The following SULF1 variants were observed in gnomAD, a reference collection of about 807,000 sequenced individuals.
The protein encoded by SULF1 is extracellular sulfatase Sulf-1.
SULF1 carries 46 observed loss-of-function variants against 110.5 expected under a neutral mutation model. That is an observed-to-expected ratio of 0.42 (90% CI 0.33 to 0.53). SULF1 has a LOEUF of 0.53. Among genes scored for constraint, SULF1 ranks in the 20% least tolerant of loss-of-function variants. The pLI, the probability that SULF1 is intolerant of heterozygous loss-of-function variation, is 0.12. For synonymous variants in SULF1, 371 were observed against 387.1 expected (o/e 0.96, Z 0.49); for missense variants, 941 against 1,094.2 (o/e 0.86, Z 1.98).
At chr8:69,563,811 C>T (rs756685185) in intron 4 of SULF1, 105 bp from the exon 5 acceptor site, 10 of 644,234 alleles carry the variant, frequency 1.6e-5, no homozygotes, top group Non-Finnish European at 2.7e-5. Context: ...TCTCTGCCAG[C>T]TTATGTGCCA....
chr8:69,638,952 A>T (rs1379302084), intron 21 of SULF1, 94 bp downstream of exon 21: 3 of 1,259,834 alleles, frequency 2.4e-6, no homozygotes, highest in Non-Finnish European at 2.2e-6. Context: ...GCACAGAAAC[A>T]TATAATTCAA....
chr8:69,571,393 C>G (rs1010836938), intron 5 of SULF1, among the ~76,000 whole-genome samples: 2 of 152,198 alleles, frequency 1.3e-5, no homozygotes, highest in East Asian at 3.9e-4. Context: ...GAAACACAAA[C>G]CAAAAAAGGA....
chr8:69,534,557 A>G (rs1008115917), intron 3 of SULF1, among the ~76,000 whole-genome samples: 5 of 152,226 alleles, frequency 3.3e-5, no homozygotes, highest in African/African-American at 1.2e-4. Context: ...GAAGGTAGGA[A>G]TATTACATTT....
chr8:69,512,150 G>A (rs1693778141), intron 3 of SULF1, among the ~76,000 whole-genome samples: 1 of 152,188 alleles, frequency 6.6e-6, no homozygotes, highest in Admixed American at 6.5e-5. Context: ...CATATCAAAT[G>A]TTGCCATAGG....
At chr8:69,519,113 G>T (rs560537427) in intron 3 of SULF1, among the ~76,000 whole-genome samples, 1 of 152,072 alleles carries the variant, frequency 6.6e-6, no homozygotes, top group Non-Finnish European at 1.5e-5. Flanking sequence ...CAGTTTTCTG[G>T]CTGTTTATGG....
chr8:69,600,221 T>G (rs1807683510), intron 8 of SULF1, among the ~76,000 whole-genome samples: 1 of 152,196 alleles, frequency 6.6e-6, no homozygotes, highest in Admixed American at 6.5e-5. Context: ...AGCAATAAAA[T>G]TTTTATGAGT....
intron 3 of SULF1, among the ~76,000 whole-genome samples, chr8:69,530,658 T>A (rs966321340): frequency 2.0e-5 from 3 of 152,200 alleles, no homozygotes; most frequent in Non-Finnish European, 4.4e-5. Flanking sequence ...GATGAACTAT[T>A]TGAATGAATT....
intron 8 of SULF1, among the ~76,000 whole-genome samples, chr8:69,596,379 A>G (rs1016746889): frequency 7.2e-5 from 11 of 152,064 alleles, no homozygotes; most frequent in South Asian, 2.1e-4. Context: ...TGTCCTCTCA[A>G]TTTTAAAGCA....
In SULF1 at chr8:69,628,213, A is replaced by G. The variant is rs777539035; in HGVS notation, c.2085A>G (p.Leu695=). ...AAGGTGTAAAAAAGCAAGAGAAATT[A>G]AAGAGCCATCTTCACCCATTCAAGT... is the stretch of plus-strand genomic sequence containing the variant. ...KEKGVKKQEK[L]KSHLHPFKEA... is the part of the protein sequence containing the mutation. The change falls in exon 18 of 23, where the codon TTA becomes TTG. Residue 695 remains leucine, a synonymous_variant. Transcript: ENST00000402687. 6.2e-7 allele frequency: 1 copy of G among 1,614,042 alleles called. No homozygotes were observed.
Position 69,658,994 on chromosome 8 carries a change from A to G in SULF1, c.*459A>G, listed in dbSNP as rs771840451. On this transcript the variant is annotated 3_prime_UTR_variant, in exon 23 of 23. Transcript: ENST00000402687. ...ACCGAAAAATGGACGGGGCATGAAG[A>G]GACTAATCATCTGGAAACCGATTTC... 3 of 457,456 alleles carry G rather than the reference A, an allele frequency of 6.6e-6. No homozygotes were observed. Among genetic ancestry groups the G allele is most frequent in the East Asian group, 6.9e-5 (1 of 14,436 alleles). 28.3% of individuals were successfully genotyped at this position (457,456 alleles called of 1,614,324 possible).
intron 1 of SULF1, among the ~76,000 whole-genome samples, chr8:69,479,258 A>G (rs1809421404): frequency 6.6e-6 from 1 of 152,154 alleles, no homozygotes; most frequent in Non-Finnish European, 1.5e-5. Flanking sequence ...AACTGAGGAG[A>G]TTGTGACAAT....
At chr8:69,630,808 A>G (rs112547456) in intron 19 of SULF1, among the ~76,000 whole-genome samples, 6,949 of 152,336 alleles carry the variant, frequency 0.046, 314 homozygotes, top group African/African-American at 0.12. Flanking sequence ...TGAAGGAAAC[A>G]GTGATCAACA....
intron 3 of SULF1, among the ~76,000 whole-genome samples, chr8:69,535,351 C>CCTGG (rs1256601943): frequency 1.7e-4 from 26 of 152,154 alleles, no homozygotes; most frequent in African/African-American, 5.6e-4. Context: ...CCCTGAGTGA[C>CCTGG]CTGGCGTTGG....
At chr8:69,540,389 G>C in intron 3 of SULF1, among the ~76,000 whole-genome samples, 2 of 152,172 alleles carry the variant, frequency 1.3e-5, no homozygotes, top group East Asian at 3.8e-4. Flanking sequence ...TAAGTCATTT[G>C]GTATAATTAC....
chr8:69,578,334 A>G (rs1805772747), intron 6 of SULF1, among the ~76,000 whole-genome samples: 1 of 151,864 alleles, frequency 6.6e-6, no homozygotes, highest in Admixed American at 6.6e-5. Flanking sequence ...ACTGTTTTTT[A>G]TTTATTTGTT....
At chr8:69,630,684 G>A (rs184583626) in intron 19 of SULF1, among the ~76,000 whole-genome samples, 3 of 152,128 alleles carry the variant, frequency 2.0e-5, no homozygotes, top group African/African-American at 7.2e-5. Context: ...ACAGTAACTG[G>A]GGACGCAACA....
chr8:69,629,799 A>G, intron 19 of SULF1, 120 bp downstream of exon 19: 2 of 894,424 alleles, frequency 2.2e-6, no homozygotes. Context: ...AAGGCATCAT[A>G]TTCTACTCTA....
In SULF1 at chr8:69,522,617, C is replaced by G. The variant is rs1451226890; in HGVS notation, c.-134+20649C>G. 2.0e-5 allele frequency among the ~76,000 whole-genome samples: 3 copies of G among 152,122 alleles called. No individual in the cohort carries two copies. The East Asian group carries it at 5.8e-4, about 29-fold the overall frequency. On this transcript the variant is annotated intron_variant, in intron 3 of 22. Coordinates refer to ENST00000402687, the MANE Select transcript of SULF1 (RefSeq NM_001128205.2). ...ATGTGAGTATAGACAGGGAAAAGCA[C>G]TAAAGTCTAACCGCCGAAATACTCC...
chr8:69,538,817 C>G (rs565505299), intron 3 of SULF1, among the ~76,000 whole-genome samples: 2 of 152,104 alleles, frequency 1.3e-5, no homozygotes, highest in East Asian at 1.9e-4. Flanking sequence ...CTCAGCCTCC[C>G]GAGTAGCTGG....
Sources: gnomAD v4.1 joint callset for allele counts (sites outside exome capture counted in the v4.1 genomes callset) on GRCh38, gnomAD v4.1.1 for gene constraint, MANE v1.5 for transcripts, NCBI Gene and HGNC (gene_info 2026-07-23, HGNC 2026-07-21) for gene names.